Variants in MIPEP observed in about 807,000 individuals in gnomAD.
MIPEP encodes mitochondrial intermediate peptidase.
In MIPEP, 79 loss-of-function variants were observed where a neutral mutation model predicts 90.3. The observed-to-expected ratio is 0.87, with a 90% CI of 0.73 to 1.05. The LOEUF is 1.05. Among genes scored for constraint, MIPEP ranks in the 50% least tolerant of loss-of-function variants. The probability of loss-of-function intolerance (pLI) is 0.00; values close to 1 mark genes in which losing one functional copy is unlikely to be tolerated. For synonymous variants in MIPEP, 334 were observed against 315.8 expected (o/e 1.06, Z -0.61); for missense variants, 940 against 905.6 (o/e 1.04, Z -0.49).
At chr13:23,753,090 T>C (rs1053209657) in intron 18 of MIPEP, among the ~76,000 whole-genome samples, 11 of 151,970 alleles carry the variant, frequency 7.2e-5, no homozygotes, top group African/African-American at 2.7e-4. Context: ...TAGCTGGGCA[T>C]GGTGGCACAT....
At chr13:23,848,511 T>A (rs931956070) in intron 10 of MIPEP, among the ~76,000 whole-genome samples, 1 of 152,004 alleles carries the variant, frequency 6.6e-6, no homozygotes, top group African/African-American at 2.4e-5. Context: ...ATCCAAATGA[T>A]CAGGGGCAGA....
chr13:23,811,453 A>G (rs1378690807), intron 14 of MIPEP, among the ~76,000 whole-genome samples: 1 of 152,148 alleles, frequency 6.6e-6, no homozygotes, highest in African/African-American at 2.4e-5. Context: ...AGGCTAGAAA[A>G]CCTGACCTTC....
intron 9 of MIPEP, among the ~76,000 whole-genome samples, chr13:23,860,772 C>T (rs1870259313): frequency 6.6e-6 from 1 of 152,134 alleles, no homozygotes; most frequent in African/African-American, 2.4e-5. Flanking sequence ...TCCAAGACGG[C>T]TTCGAGTGGA....
At chr13:23,878,747 C>T (rs545621092) in intron 4 of MIPEP, among the ~76,000 whole-genome samples, 1 of 152,160 alleles carries the variant, frequency 6.6e-6, no homozygotes, top group East Asian at 1.9e-4. Flanking sequence ...CCTAATGAAC[C>T]AAAGCAAATC....
intron 16 of MIPEP, among the ~76,000 whole-genome samples, chr13:23,777,929 T>C (rs964616795): frequency 2.0e-5 from 3 of 152,194 alleles, no homozygotes; most frequent in Non-Finnish European, 2.9e-5. Context: ...TTAGAGGACA[T>C]ACTAAGTTTT....
At chr13:23,825,673 T>C (rs1868415958) in intron 14 of MIPEP, among the ~76,000 whole-genome samples, 1 of 152,180 alleles carries the variant, frequency 6.6e-6, no homozygotes, top group Non-Finnish European at 1.5e-5. Context: ...AACTGAACTT[T>C]AAGGAAATTC....
At chr13:23,854,901 G>GAAA (rs58441886) in intron 10 of MIPEP, among the ~76,000 whole-genome samples, 2 of 148,238 alleles carry the variant, frequency 1.3e-5, no homozygotes, top group African/African-American at 5.0e-5. Flanking sequence ...CAAAAAAAAA[G>GAAA]AAAAAAAAAC....
In MIPEP at chr13:23,756,574, C is replaced by G; in HGVS notation, c.2015G>C (p.Gly672Ala). The change falls in exon 18 of 19, where the codon GGA becomes GCA. Residue 672 changes from glycine to alanine, a missense_variant. By Grantham distance (60) the Gly-to-Ala change is moderately conservative. Coordinates refer to ENST00000382172, the MANE Select transcript of MIPEP (RefSeq NM_005932.4). Reference protein sequence around the residue: ...RYRREMLAHGGGREPMLMVEG... With the variant: ...RYRREMLAHGAGREPMLMVEG... ...AACCATGAGCATGGGCTCCCTGCCT[C>G]CACCGTGGGCCAGCATCTCCCTGCG... 2.5e-6 allele frequency: 4 copies of G among 1,613,998 alleles called. No individual in the cohort carries two copies. The highest frequency in any genetic ancestry group is 3.4e-6 in the Non-Finnish European group (4 of 1,180,042).
intron 8 of MIPEP, among the ~76,000 whole-genome samples, chr13:23,863,723 G>A (rs1471672911): frequency 6.6e-6 from 1 of 152,140 alleles, no homozygotes; most frequent in Non-Finnish European, 1.5e-5. Flanking sequence ...AATTACAAAT[G>A]TTGAGATAGA....
At chr13:23,738,518 C>T (rs1225750975) in intron 18 of MIPEP, among the ~76,000 whole-genome samples, 3 of 150,556 alleles carry the variant, frequency 2.0e-5, no homozygotes, top group South Asian at 2.1e-4. Flanking sequence ...GGTGCAATCT[C>T]GGCTCACTGA....
intron 10 of MIPEP, among the ~76,000 whole-genome samples, chr13:23,843,074 C>A (rs562981178): frequency 1.6e-5 from 2 of 122,856 alleles, no homozygotes; most frequent in African/African-American, 6.6e-5. Flanking sequence ...CCAGCCTGGG[C>A]GACAGAGCAA....
intron 14 of MIPEP, among the ~76,000 whole-genome samples, chr13:23,818,867 G>A (rs1359247827): frequency 6.6e-6 from 1 of 152,188 alleles, no homozygotes; most frequent in Non-Finnish European, 1.5e-5. Flanking sequence ...TCTAATTTCT[G>A]TGAGTAGTGG....
intron 1 of MIPEP, chr13:23,888,656 T>A: frequency 1.2e-6 from 1 of 860,138 alleles, no homozygotes; most frequent in African/African-American, 1.8e-5. Context: ...GATGATGGAA[T>A]TTCAGGTATT....
intron 7 of MIPEP, among the ~76,000 whole-genome samples, chr13:23,867,804 T>A (rs1870607798): frequency 1.3e-5 from 2 of 152,146 alleles, no homozygotes; most frequent in Non-Finnish European, 2.9e-5. Flanking sequence ...TCTGCCACAT[T>A]TTAGCAATAT....
intron 9 of MIPEP, among the ~76,000 whole-genome samples, chr13:23,861,849 G>A (rs973903434): frequency 5.9e-5 from 9 of 152,162 alleles, no homozygotes; most frequent in Admixed American, 1.3e-4. Flanking sequence ...ACACTTAAGT[G>A]TTTTTAGAAT....
intron 14 of MIPEP, among the ~76,000 whole-genome samples, chr13:23,826,039 T>C (rs1036893170): frequency 2.0e-5 from 3 of 151,946 alleles, no homozygotes; most frequent in African/African-American, 7.3e-5. Context: ...TGATTAGTAA[T>C]GTAGCTGGGG....
chr13:23,796,591 A>AC (rs1395272426), intron 16 of MIPEP, among the ~76,000 whole-genome samples: 4 of 151,904 alleles, frequency 2.6e-5, no homozygotes, highest in Non-Finnish European at 4.4e-5. Context: ...CTAAAAAAAA[A>AC]AAACAAAAAA....
At chr13:23,883,833 C>T (rs145627924) in intron 2 of MIPEP, among the ~76,000 whole-genome samples, 2,979 of 152,222 alleles carry the variant, frequency 0.02, 76 homozygotes, top group Admixed American at 0.071. Flanking sequence ...TTTGGCAGTG[C>T]GTTTCCACAG....
chr13:23,886,563 T>A (rs1490856439), intron 1 of MIPEP, 57 bp from the exon 2 acceptor site: 4 of 1,367,532 alleles, frequency 2.9e-6, no homozygotes, highest in East Asian at 5.0e-5. Context: ...GTGCTTTTTT[T>A]ATATTTACTA....
Sources: allele counts gnomAD v4.1 joint callset (sites outside exome capture counted in the v4.1 genomes callset), GRCh38; gene constraint gnomAD v4.1.1; transcripts MANE v1.5; gene names NCBI Gene and HGNC (gene_info 2026-07-23, HGNC 2026-07-21).